Variants in DOCK2 observed in about 807,000 individuals in gnomAD.
The protein encoded by DOCK2 is dedicator of cytokinesis protein 2.
Under a neutral mutation model 248.9 loss-of-function variants are expected in DOCK2, and 87 were observed. The ratio of observed to expected loss-of-function variants is 0.35; its 90% CI spans 0.29 to 0.42. The LOEUF (loss-of-function observed/expected upper bound fraction) is 0.42. Ranked by LOEUF, DOCK2 falls within the 10% of genes least tolerant of loss-of-function variation. The pLI is 1.00. For synonymous variants in DOCK2, 805 were observed against 821.6 expected, an observed-to-expected ratio of 0.98 and a Z score of 0.35; for missense variants, 1,747 against 2,300.2, an observed-to-expected ratio of 0.76 and a Z score of 4.92.
intron 27 of DOCK2, among the ~76,000 whole-genome samples, chr5:169,973,364 C>G (rs1777596661): frequency 6.6e-6 from 1 of 152,140 alleles, no homozygotes; most frequent in Non-Finnish European, 1.5e-5. Flanking sequence ...ACAGACTGTT[C>G]CTGGTGAATC....
intron 27 of DOCK2, among the ~76,000 whole-genome samples, chr5:169,862,968 T>C (rs1197160732): frequency 6.6e-6 from 1 of 152,238 alleles, no homozygotes; most frequent in Non-Finnish European, 1.5e-5. Context: ...GCAATGTCAA[T>C]CTAACCACAT....
chr5:170,057,717 C>A (rs1004092807), intron 44 of DOCK2, 51 bp downstream of exon 44: 2 of 1,485,360 alleles, frequency 1.3e-6, no homozygotes, highest in African/African-American at 1.4e-5. Context: ...ATGGGCAGGG[C>A]ACAGCCAGTC....
intron 25 of DOCK2, among the ~76,000 whole-genome samples, chr5:169,770,088 C>T (rs930385752): frequency 1.3e-5 from 2 of 152,116 alleles, no homozygotes; most frequent in Admixed American, 6.6e-5. Flanking sequence ...TGGAGCAGTC[C>T]TGGCCATTAA....
chr5:169,752,480 T>G (rs565852563), intron 23 of DOCK2, among the ~76,000 whole-genome samples: 1 of 152,218 alleles, frequency 6.6e-6, no homozygotes, highest in Admixed American at 6.5e-5. Flanking sequence ...GGTGCATGCC[T>G]GTAATCCCAG....
chr5:169,977,209 C>G (rs1320921236), intron 27 of DOCK2, among the ~76,000 whole-genome samples: 2 of 152,224 alleles, frequency 1.3e-5, no homozygotes, highest in Admixed American at 6.5e-5. Flanking sequence ...GAGGCACACA[C>G]TGGACTTACT....
intron 9 of DOCK2, among the ~76,000 whole-genome samples, chr5:169,689,697 T>C (rs187053853): frequency 9.9e-4 from 151 of 152,318 alleles, no homozygotes; most frequent in Middle Eastern, 3.4e-3. Context: ...TGAGTTCCTT[T>C]CTTTGTTCAG....
rs187177312 is a variant in DOCK2, at chr5:170,016,263, A to T, written c.3233-2697A>T. Among the ~76,000 whole-genome samples the T allele has an allele frequency of 2.6e-5, 4 of 152,364 alleles. No homozygotes were observed. The East Asian group carries it at 7.7e-4, about 29-fold the overall frequency. On this transcript the variant is annotated intron_variant, in intron 32 of 51. Coordinates refer to ENST00000520908, the MANE Select transcript of DOCK2 (RefSeq NM_004946.3). ...TCAATTACATGAAAAAGACCCTCTT[A>T]GTAAATGCCCTTCCTTGGCTTTTCT...
chr5:169,977,993 G>C (rs772681952), intron 27 of DOCK2, among the ~76,000 whole-genome samples: 2 of 152,164 alleles, frequency 1.3e-5, no homozygotes, highest in African/African-American at 4.8e-5. Flanking sequence ...GCCACTCCTA[G>C]TCTCCAAAGG....
chr5:170,076,416 C>T (rs191926427), intron 47 of DOCK2, among the ~76,000 whole-genome samples: 2 of 152,318 alleles, frequency 1.3e-5, no homozygotes, highest in East Asian at 3.9e-4. Context: ...GTCATTTAAT[C>T]CTCACCACAA....
chr5:169,819,827 C>T (rs943135212), intron 26 of DOCK2, among the ~76,000 whole-genome samples: 2 of 152,198 alleles, frequency 1.3e-5, no homozygotes, highest in Non-Finnish European at 2.9e-5. Context: ...TGAGGCATCA[C>T]CTCATCCAGG....
At chr5:169,925,152 A>G (rs575161908) in intron 27 of DOCK2, among the ~76,000 whole-genome samples, 27 of 152,268 alleles carry the variant, frequency 1.8e-4, no homozygotes, top group African/African-American at 6.3e-4. Flanking sequence ...AGTGTAATAC[A>G]TGGTAAAGAG....
At chr5:170,025,257 C>G (rs1387640696) in intron 33 of DOCK2, among the ~76,000 whole-genome samples, 1 of 152,244 alleles carries the variant, frequency 6.6e-6, no homozygotes, top group African/African-American at 2.4e-5. Context: ...GGCCCACAGA[C>G]CAAATCCATC....
chr5:170,022,067 C>T (rs542204284), intron 33 of DOCK2, among the ~76,000 whole-genome samples: 1 of 152,344 alleles, frequency 6.6e-6, no homozygotes, highest in Non-Finnish European at 1.5e-5. Flanking sequence ...AGGGGCTTTG[C>T]TCCCAGGTCA....
At chr5:169,978,216 G>A (rs1021804073) in intron 27 of DOCK2, among the ~76,000 whole-genome samples, 2 of 152,156 alleles carry the variant, frequency 1.3e-5, no homozygotes, top group South Asian at 2.1e-4. Context: ...CTCCCTCTGC[G>A]ATCTCATCAC....
At position 170,011,102 on chromosome 5, in the gene DOCK2, A is replaced by T. The variant is rs138895312; in HGVS notation, c.3232+2356A>T. 2.6e-3 allele frequency among the ~76,000 whole-genome samples: 390 copies of T among 152,304 alleles called. 3 individuals carry two copies. Among genetic ancestry groups the T allele is most frequent in the East Asian group, 0.02 (104 of 5,180 alleles). On this transcript the variant is annotated intron_variant, in intron 32 of 51. Transcript: ENST00000520908. ...TATTTATTTTTAGCTGAGGACCAAT[A>T]AAAAAATTCTCCTGCTTAATAAGTA...
Position 169,840,742 on chromosome 5 carries a change from C to T in DOCK2, c.2704-15C>T, listed in dbSNP as rs1349013777. The stretch of plus-strand genomic sequence containing the variant: ...TGTCCTGGTTGTCACATAGATGTCT[C>T]TGACTGTTTTACAGGCCTTCACCTA... On this transcript the variant is annotated splice_polypyrimidine_tract_variant and intron_variant, in intron 26 of 51. Transcript: ENST00000520908. 3 of 1,612,824 alleles carry T rather than the reference C, an allele frequency of 1.9e-6. No individual in the cohort carries two copies. The African/African-American group carries it at 4.0e-5, about 22-fold the overall frequency.
intron 22 of DOCK2, among the ~76,000 whole-genome samples, chr5:169,740,199 T>G (rs1306170601): frequency 6.6e-6 from 1 of 152,264 alleles, no homozygotes; most frequent in African/African-American, 2.4e-5. Flanking sequence ...TACTTACTAT[T>G]AATTTATTAC....
In DOCK2 at chr5:169,986,702, G is replaced by C. The variant is rs551034783; in HGVS notation, c.2993+780G>C. On this transcript the variant is annotated intron_variant, in intron 29 of 51. Transcript: ENST00000520908. Reference sequence around the variant, plus strand: ...CAGAACCTGATTCTCAAATCCTGCCGATCAGTTCCTTTAAAACAGCATCTT... The same window carrying C: ...CAGAACCTGATTCTCAAATCCTGCCCATCAGTTCCTTTAAAACAGCATCTT... Among the ~76,000 whole-genome samples the C allele has an allele frequency of 8.5e-5, 13 of 152,220 alleles. No homozygotes were observed. The South Asian group carries it at 2.7e-3, about 32-fold the overall frequency.
At chr5:169,925,317 C>A (rs1040216983) in intron 27 of DOCK2, among the ~76,000 whole-genome samples, 3 of 152,064 alleles carry the variant, frequency 2.0e-5, no homozygotes, top group Admixed American at 6.6e-5. Context: ...ACAGATGGGT[C>A]CTGGTAAGAG....
Sources: allele counts gnomAD v4.1 joint callset (sites outside exome capture counted in the v4.1 genomes callset), GRCh38; gene constraint gnomAD v4.1.1; transcripts MANE v1.5; gene names NCBI Gene and HGNC (gene_info 2026-07-23, HGNC 2026-07-21).